The following ZNF18 variants were observed in gnomAD, a reference collection of about 807,000 sequenced individuals.
ZNF18 encodes heart development-specific gene 1 protein.
Under a neutral mutation model 58.1 loss-of-function variants are expected in ZNF18, and 42 were observed. The observed-to-expected ratio is 0.72, with a 90% CI of 0.56 to 0.93. ZNF18 has a LOEUF of 0.93. Ranked by LOEUF, ZNF18 falls within the 40% of genes least tolerant of loss-of-function variation. ZNF18 has a pLI of 0.00. For synonymous variants in ZNF18, 231 were observed against 239.8 expected, an observed-to-expected ratio of 0.96 and a Z score of 0.34; for missense variants, 540 against 644.2, an observed-to-expected ratio of 0.84 and a Z score of 1.75.
At chr17:11,983,868 T>C (rs1298884404) in intron 5 of ZNF18, among the ~76,000 whole-genome samples, 1 of 152,152 alleles carries the variant, frequency 6.6e-6, no homozygotes, top group Non-Finnish European at 1.5e-5. Context: ...TTTCATAGAT[T>C]AAAGAAGTTA....
intron 6 of ZNF18, among the ~76,000 whole-genome samples, chr17:11,980,609 G>A (rs1256440567): frequency 1.8e-4 from 28 of 151,938 alleles, no homozygotes; most frequent in Admixed American, 1.8e-3. Context: ...TAGTTAGATG[G>A]GGTTTCACCA....
At chr17:11,994,822 C>A (rs1968360289) in intron 1 of ZNF18, among the ~76,000 whole-genome samples, 1 of 151,652 alleles carries the variant, frequency 6.6e-6, no homozygotes, top group African/African-American at 2.4e-5. Flanking sequence ...ACCTGGGCGA[C>A]AGAGCGAGAC....
intron 6 of ZNF18, among the ~76,000 whole-genome samples, chr17:11,979,892 TA>T (rs1967225662): frequency 6.6e-6 from 1 of 152,204 alleles, no homozygotes; most frequent in African/African-American, 2.4e-5. Context: ...AAGAGCTGAG[TA>T]ATGGCCCATC....
At position 11,978,528 on chromosome 17, in the gene ZNF18, G is replaced by A. The variant is rs1281525184; in HGVS notation, c.1079C>T (p.Ser360Phe). 6.2e-7 allele frequency: 1 copy of A among 1,610,630 alleles called. No homozygotes were observed. The highest frequency in any genetic ancestry group is 1.1e-5 in the South Asian group (1 of 90,600). The stretch of plus-strand genomic sequence containing the variant: ...TTTCTCAGAAATCCTTTCTTGAGGA[G>A]ACAGCTGTTCCCCTGTTCCCTCATC... ...IQDEGTGEQL[S>F]PQERISEKQL... Residue 360 changes from serine to phenylalanine, a missense_variant, in exon 7 of 7, where the codon TCT (serine) becomes TTT (phenylalanine). Transcript: ENST00000580306.
chr17:12,017,529 A>G, the ZNF18 span, among the ~76,000 whole-genome samples: 3 of 152,328 alleles, frequency 2.0e-5, no homozygotes, highest in Admixed American at 1.3e-4. Flanking sequence ...TTGGGGTCCT[A>G]AGGTGAAATC....
upstream of ZNF18, chr17:11,998,425 GAAATA>G (rs1244876846): frequency 6.6e-6 from 1 of 151,876 alleles, no homozygotes; most frequent in Admixed American, 6.6e-5. Flanking sequence ...ATAACCTATG[GAAATA>G]AAATAAATAA....
In ZNF18 at chr17:11,978,299, A is replaced by G. The variant is rs1967114396; in HGVS notation, c.1308T>C (p.Phe436=). 6.2e-7 allele frequency: 1 copy of G among 1,604,348 alleles called. No homozygotes were observed. Reference sequence around the variant, plus strand: ...AGGCTTTTTTGCAGATGGTGCACTGAAAGTATGTCTCTCCGGTGTGAGTTC... The same window carrying G: ...AGGCTTTTTTGCAGATGGTGCACTGGAAGTATGTCTCTCCGGTGTGAGTTC... The part of the protein sequence containing the change: ...HQRTHTGETY[F]QCTICKKAFL... The change falls in exon 7 of 7, where the codon TTT becomes TTC. Residue 436 remains phenylalanine (F), a synonymous_variant. Coordinates refer to ENST00000580306, the MANE Select transcript of ZNF18 (RefSeq NM_001303281.2).
chr17:11,978,045 T>C lies in ZNF18; in HGVS notation c.1562A>G (p.Lys521Arg). 1 of 1,613,520 alleles carries C rather than the reference T, an allele frequency of 6.2e-7. No individual in the cohort carries two copies. The highest frequency in any genetic ancestry group is 8.5e-7 in the Non-Finnish European group (1 of 1,179,856). The change falls in exon 7 of 7, where the codon AAA becomes AGA. Residue 521 changes from lysine (K) to arginine (R), a missense_variant. Physicochemically the swap from Lys to Arg is conservative, Grantham distance 26. Transcript: ENST00000580306. ...GAAACTTTTCCCACAGTGCGAACAT[T>C]TATAAGGTTTCTCTCCAGTGTGAAC... ...QRVHTGEKPY[K>R]CSHCGKSFSW...
chr17:12,012,081 TAA>T, the ZNF18 span, among the ~76,000 whole-genome samples: 1 of 152,214 alleles, frequency 6.6e-6, no homozygotes, highest in African/African-American at 2.4e-5. Context: ...ATATATAATG[TAA>T]AGTGTCCCTC....
At chr17:11,981,005 G>GC (rs1288337847) in intron 6 of ZNF18, among the ~76,000 whole-genome samples, 14 of 151,982 alleles carry the variant, frequency 9.2e-5, no homozygotes, top group Non-Finnish European at 1.3e-4. Flanking sequence ...TTTTGAGACT[G>GC]CCCCCTGCTG....
chr17:11,992,629 G>C lies in ZNF18; in HGVS notation c.201C>G (p.Phe67Leu), dbSNP rs145411425. ...TGTGAACCTCTGGCTGTAGCCACTG[G>C]AAACAGAGCTTCCGAAGTTGCTTCA... ...ETLKQLRKLC[F>L]QWLQPEVHTK... Residue 67 changes from phenylalanine to leucine, a missense_variant, in exon 2 of 7, where the codon TTC becomes TTG. Coordinates refer to ENST00000580306, the MANE Select transcript of ZNF18 (RefSeq NM_001303281.2). The C allele has an allele frequency of 2.2e-4, 362 of 1,614,236 alleles. 8 individuals carry two copies. The South Asian group carries it at 3.1e-3, about 14-fold the overall frequency.
the ZNF18 span, among the ~76,000 whole-genome samples, chr17:12,016,476 T>C: frequency 6.6e-6 from 1 of 152,174 alleles, no homozygotes; most frequent in Non-Finnish European, 1.5e-5. Flanking sequence ...ATTACAGGCA[T>C]GCGCCACCAT....
At chr17:11,997,518 C>A (rs1382916320), upstream of ZNF18, 1 of 152,374 alleles carries the variant, frequency 6.6e-6, no homozygotes, top group East Asian at 1.9e-4. Flanking sequence ...CGTGCGGCAC[C>A]GGGCGGAGCT....
At chr17:11,980,720 A>T (rs1352872940) in intron 6 of ZNF18, among the ~76,000 whole-genome samples, 2 of 152,092 alleles carry the variant, frequency 1.3e-5, no homozygotes, top group African/African-American at 4.8e-5. Flanking sequence ...CACCAGCCTG[A>T]TCATGCTAAA....
chr17:12,010,009 C>T, the ZNF18 span, among the ~76,000 whole-genome samples: 11 of 152,134 alleles, frequency 7.2e-5, no homozygotes, highest in Middle Eastern at 3.2e-3. Flanking sequence ...CTTGACTGCA[C>T]ATGTGGCTTG....
At chr17:11,994,845 A>C (rs1454326229) in intron 1 of ZNF18, among the ~76,000 whole-genome samples, 1 of 152,186 alleles carries the variant, frequency 6.6e-6, no homozygotes, top group African/African-American at 2.4e-5. Flanking sequence ...CGTCTCAAAA[A>C]AAAAAGAAAA....
chr17:12,010,649 C>CTCGT, the ZNF18 span: 1 of 159,576 alleles, frequency 6.3e-6, no homozygotes, highest in Non-Finnish European at 1.4e-5. Context: ...ATCTCTTGAC[C>CTCGT]TCGTGATCCA....
At chr17:12,020,857 G>C in the ZNF18 span, 2 of 1,021,876 alleles carry the variant, frequency 2.0e-6, no homozygotes, top group South Asian at 4.9e-5. Context: ...TGCAGCCGCC[G>C]CGGCGCCGCT....
upstream of ZNF18, among the ~76,000 whole-genome samples, chr17:11,998,054 CT>C (rs1567612004): frequency 2.5e-5 from 3 of 118,704 alleles, no homozygotes; most frequent in Non-Finnish European, 5.7e-5. Flanking sequence ...GTCTCTCTCT[CT>C]TCTCTCTCTC....
Sources: gnomAD v4.1 joint callset for allele counts (sites outside exome capture counted in the v4.1 genomes callset) on GRCh38, gnomAD v4.1.1 for gene constraint, MANE v1.5 for transcripts, NCBI Gene and HGNC (gene_info 2026-07-23, HGNC 2026-07-21) for gene names.